The following TAFA2 variants were observed in gnomAD, a reference collection of about 807,000 sequenced individuals.
TAFA2 encodes the protein chemokine-like protein TAFA-2.
TAFA2 carries 7 observed loss-of-function variants against 18.8 expected under a neutral mutation model. The observed-to-expected ratio is 0.37, with a 90% CI of 0.21 to 0.70. TAFA2 has a LOEUF of 0.70. Ranked by LOEUF, TAFA2 falls within the 30% of genes least tolerant of loss-of-function variation. TAFA2 has a pLI of 0.53. For synonymous variants in TAFA2, 60 were observed against 54.2 expected (o/e 1.11, Z -0.47); for missense variants, 122 against 158.1 (o/e 0.77, Z 1.23).
In TAFA2 at chr12:62,104,853, C is replaced by CGTCTCACAG. The variant is rs564197287; in HGVS notation, c.-2+86397_-2+86405dup. 447 of 328,582 alleles carry CGTCTCACAG rather than the reference C, an allele frequency of 1.4e-3. 8 individuals carry two copies. Among genetic ancestry groups the CGTCTCACAG allele is most frequent in the South Asian group, 9.8e-3 (432 of 44,224 alleles). The allele number at this position is 328,582 out of a possible 1,614,324, so 20.4% of individuals were successfully genotyped here. A position where few individuals can be genotyped will look rare whatever the true frequency, so the allele number is the denominator to read the frequency against. On this transcript the variant is annotated intron_variant, in intron 1 of 4. Transcript: ENST00000416284. ...TTTTGAGGCTCAAGTTTGGCTCCTA[C>CGTCTCACAG]GTCTCACAGAAACTGAGAGATTGAG...
intron 1 of TAFA2, among the ~76,000 whole-genome samples, chr12:62,127,082 C>T (rs1870492233): frequency 6.6e-6 from 1 of 152,028 alleles, no homozygotes; most frequent in African/African-American, 2.4e-5. Flanking sequence ...AAGTATCAGT[C>T]TATTATACAT....
At chr12:61,999,542 G>A (rs1880310891) in intron 1 of TAFA2, among the ~76,000 whole-genome samples, 1 of 152,158 alleles carries the variant, frequency 6.6e-6, no homozygotes, top group Non-Finnish European at 1.5e-5. Flanking sequence ...AAATCAACTG[G>A]TGACTGAAAT....
chr12:62,109,695 T>C (rs779706465), intron 1 of TAFA2, among the ~76,000 whole-genome samples: 4 of 152,208 alleles, frequency 2.6e-5, no homozygotes, highest in Non-Finnish European at 5.9e-5. Flanking sequence ...GTCCTTCACA[T>C]CTCTTGTAAG....
At chr12:62,244,380 A>C (rs2062875686) in intron 1 of TAFA2, among the ~76,000 whole-genome samples, 1 of 152,076 alleles carries the variant, frequency 6.6e-6, no homozygotes, top group Non-Finnish European at 1.5e-5. Context: ...ACACTGCATC[A>C]AGGCTTTTCC....
intron 1 of TAFA2, among the ~76,000 whole-genome samples, chr12:61,893,281 C>T (rs1456320860): frequency 6.6e-6 from 1 of 152,172 alleles, no homozygotes; most frequent in East Asian, 1.9e-4. Context: ...TTGAAAACAG[C>T]AGCTACAGTG....
At chr12:62,255,466 T>A (rs2136997182) in intron 1 of TAFA2, among the ~76,000 whole-genome samples, 1 of 152,372 alleles carries the variant, frequency 6.6e-6, no homozygotes, top group South Asian at 2.1e-4. Flanking sequence ...AATTTTTAAA[T>A]ATTCAGGACC....
intron 1 of TAFA2, among the ~76,000 whole-genome samples, chr12:62,144,047 T>TAAA (rs34514238): frequency 1.1e-4 from 9 of 79,172 alleles, no homozygotes; most frequent in South Asian, 5.3e-4. Context: ...GACCCTATCT[T>TAAA]AAAAAAAAAA....
intron 4 of TAFA2, among the ~76,000 whole-genome samples, chr12:61,752,606 A>G (rs1869071272): frequency 2.0e-5 from 3 of 151,982 alleles, no homozygotes; most frequent in Admixed American, 6.6e-5. Context: ...ATTTCATGAA[A>G]TATGTTTTTA....
intron 1 of TAFA2, among the ~76,000 whole-genome samples, chr12:62,164,648 T>C (rs953538804): frequency 3.9e-5 from 6 of 152,108 alleles, no homozygotes; most frequent in Admixed American, 1.3e-4. Context: ...AACAAGATAA[T>C]TATTGTTATT....
intron 1 of TAFA2, among the ~76,000 whole-genome samples, chr12:61,939,978 C>T (rs1213819440): frequency 6.6e-6 from 1 of 152,234 alleles, no homozygotes; most frequent in East Asian, 1.9e-4. Flanking sequence ...TACTCAGCTT[C>T]CTCATATGTA....
At chr12:61,901,770 C>T (rs1462711677) in intron 1 of TAFA2, among the ~76,000 whole-genome samples, 5 of 152,114 alleles carry the variant, frequency 3.3e-5, no homozygotes, top group African/African-American at 1.2e-4. Context: ...TCTCACACAA[C>T]ATCGGGAGGC....
intron 2 of TAFA2, among the ~76,000 whole-genome samples, chr12:61,817,149 TGATA>T (rs1872120008): frequency 6.8e-6 from 1 of 146,256 alleles, no homozygotes; most frequent in Non-Finnish European, 1.5e-5. Flanking sequence ...GAGGACATCC[TGATA>T]TAGTGACTGG....
intron 1 of TAFA2, among the ~76,000 whole-genome samples, chr12:61,974,628 GC>G (rs1285038050): frequency 6.6e-6 from 1 of 151,756 alleles, no homozygotes; most frequent in Non-Finnish European, 1.5e-5. Flanking sequence ...TTACACTGTT[GC>G]AGCAGCAGTG....
At chr12:61,726,396 G>A (rs561248690) in intron 4 of TAFA2, among the ~76,000 whole-genome samples, 53 of 151,982 alleles carry the variant, frequency 3.5e-4, no homozygotes, top group South Asian at 1.0e-3. Context: ...TGTTAGTGTC[G>A]TCTATGATTT....
chr12:61,889,037 A>T (rs1875514025), intron 1 of TAFA2, among the ~76,000 whole-genome samples: 1 of 152,088 alleles, frequency 6.6e-6, no homozygotes, highest in African/African-American at 2.4e-5. Context: ...TAACTATCTG[A>T]GTGAGCTTAG....
At chr12:62,158,187 T>C (rs2062384482) in intron 1 of TAFA2, among the ~76,000 whole-genome samples, 1 of 152,194 alleles carries the variant, frequency 6.6e-6, no homozygotes, top group African/African-American at 2.4e-5. Context: ...TGGCACATAG[T>C]AGATCTCAAT....
At chr12:62,099,405 G>C (rs965410000) in intron 1 of TAFA2, among the ~76,000 whole-genome samples, 1 of 152,106 alleles carries the variant, frequency 6.6e-6, no homozygotes, top group African/African-American at 2.4e-5. Context: ...TCATAATAGA[G>C]AGTTATAACG....
At chr12:62,066,906 G>A (rs1291761828) in intron 1 of TAFA2, among the ~76,000 whole-genome samples, 1 of 152,012 alleles carries the variant, frequency 6.6e-6, no homozygotes, top group African/African-American at 2.4e-5. Context: ...CTCTATAGTG[G>A]TTGTACTAAT....
intron 1 of TAFA2, among the ~76,000 whole-genome samples, chr12:62,042,394 T>C (rs1272253585): frequency 6.8e-6 from 1 of 147,800 alleles, no homozygotes; most frequent in East Asian, 2.0e-4. Context: ...AAATTCTGCA[T>C]TGAAGTCTGT....
Sources: allele counts gnomAD v4.1 joint callset (sites outside exome capture counted in the v4.1 genomes callset), GRCh38; gene constraint gnomAD v4.1.1; transcripts MANE v1.5; gene names NCBI Gene and HGNC (gene_info 2026-07-23, HGNC 2026-07-21).